Variants in NRG3 observed in about 807,000 individuals in gnomAD.
NRG3 encodes the protein pro-neuregulin-3, membrane-bound isoform.
A neutral mutation model predicts 66.9 loss-of-function variants in NRG3; 31 were observed. The ratio of observed to expected loss-of-function variants is 0.46; its 90% CI spans 0.35 to 0.63. The LOEUF (loss-of-function observed/expected upper bound fraction) is 0.63. Among genes scored for constraint, NRG3 ranks in the 20% least tolerant of loss-of-function variants. The pLI is 0.00. For synonymous variants in NRG3, 393 were observed against 359.4 expected (o/e 1.09, Z -1.06); for missense variants, 910 against 878.9 (o/e 1.04, Z -0.45).
At chr10:82,083,471 T>G (rs752112479) in intron 1 of NRG3, among the ~76,000 whole-genome samples, 20 of 152,166 alleles carry the variant, frequency 1.3e-4, no homozygotes, top group Non-Finnish European at 2.6e-4. Flanking sequence ...CCTTTCCTCC[T>G]GTGAACTGAA....
intron 2 of NRG3, among the ~76,000 whole-genome samples, chr10:82,647,288 G>A (rs898206764): frequency 6.6e-6 from 1 of 152,008 alleles, no homozygotes; most frequent in African/African-American, 2.4e-5. Flanking sequence ...GTTTACTGAG[G>A]ATGATGATTT....
intron 1 of NRG3, among the ~76,000 whole-genome samples, chr10:82,260,799 A>G (rs1389999337): frequency 6.6e-6 from 1 of 152,218 alleles, no homozygotes; most frequent in Non-Finnish European, 1.5e-5. Flanking sequence ...ATAAAACAGT[A>G]TACATTTAGG....
intron 2 of NRG3, among the ~76,000 whole-genome samples, chr10:82,675,895 G>T (rs1263795403): frequency 1.3e-5 from 2 of 152,082 alleles, no homozygotes; most frequent in Non-Finnish European, 2.9e-5. Context: ...ATCATATTTT[G>T]TATCTACATA....
At chr10:81,925,904 A>G (rs1846733288) in intron 1 of NRG3, among the ~76,000 whole-genome samples, 1 of 152,048 alleles carries the variant, frequency 6.6e-6, no homozygotes, top group South Asian at 2.1e-4. Flanking sequence ...AGACATGATG[A>G]TTCTTTTGTA....
At chr10:82,239,755 A>G (rs553864343) in intron 1 of NRG3, among the ~76,000 whole-genome samples, 1 of 152,230 alleles carries the variant, frequency 6.6e-6, no homozygotes, top group South Asian at 2.1e-4. Flanking sequence ...CTATAGGTTT[A>G]CATCTTAAGA....
intron 1 of NRG3, among the ~76,000 whole-genome samples, chr10:82,338,046 C>T (rs866368578): frequency 6.6e-6 from 1 of 152,170 alleles, no homozygotes; most frequent in Non-Finnish European, 1.5e-5. Context: ...TGAAGATGTA[C>T]ATCTTACAGA....
intron 1 of NRG3, among the ~76,000 whole-genome samples, chr10:82,035,722 G>A (rs2062765379): frequency 6.6e-6 from 1 of 152,100 alleles, no homozygotes; most frequent in Non-Finnish European, 1.5e-5. Context: ...GATTGTTTTT[G>A]TGGGAAAGTG....
intron 1 of NRG3, among the ~76,000 whole-genome samples, chr10:82,065,034 CAAATT>C (rs1450926041): frequency 6.6e-6 from 1 of 152,140 alleles, no homozygotes; most frequent in African/African-American, 2.4e-5. Context: ...GTATCAGAGA[CAAATT>C]AAATTTTCAT....
rs116116123 is a variant in NRG3, at chr10:81,964,852, G to A, written c.823+88689G>A. The stretch of plus-strand genomic sequence containing the variant: ...TTAATTAGGTGTCCCATATTTTTCC[G>A]TGCTTATTGAGCATTTGTATTTCAT... On this transcript the variant is annotated intron_variant, in intron 1 of 8. Transcript: ENST00000372141. Among the ~76,000 whole-genome samples, 1,237 of 151,910 alleles carry A rather than the reference G, an allele frequency of 8.1e-3. 6 individuals carry two copies. Among genetic ancestry groups the A allele is most frequent in the Middle Eastern group, 0.02 (6 of 294 alleles).
intron 4 of NRG3, among the ~76,000 whole-genome samples, chr10:82,873,130 A>T (rs1238521483): frequency 6.6e-6 from 1 of 152,172 alleles, no homozygotes; most frequent in African/African-American, 2.4e-5. Flanking sequence ...TTTCTTAATG[A>T]TGCTCCTGGG....
At position 82,973,874 on chromosome 10, in the gene NRG3, C is replaced by T. The variant is rs1301493011; in HGVS notation, c.1371C>T (p.Val457=). The T allele has an allele frequency of 1.7e-5, 28 of 1,613,948 alleles. No homozygotes were observed. The highest frequency in any genetic ancestry group is 2.2e-5 in the Non-Finnish European group (26 of 1,179,978). ...SFVGPQSFPE[V]PSPDRGSQSV... ...TCGGCCCCCAGTCATTCCCTGAGGT[C>T]CCTTCTCCTGACAGAGGAAGCCAGT... The change falls in exon 7 of 9, where the codon GTC becomes GTT. Residue 457 remains valine (V), a synonymous_variant. Coordinates refer to ENST00000372141, the MANE Select transcript of NRG3 (RefSeq NM_001010848.4).
intron 1 of NRG3, among the ~76,000 whole-genome samples, chr10:82,235,631 C>T (rs2076717137): frequency 6.6e-6 from 1 of 152,120 alleles, no homozygotes. Context: ...TCTATCTCAC[C>T]TGGTGCTTTA....
rs543780317 is a variant in NRG3 at position 82,036,785 on chromosome 10, A to T, written c.823+160622A>T. Among the ~76,000 whole-genome samples, 4 of 152,172 alleles carry T rather than the reference A, an allele frequency of 2.6e-5. No homozygotes were observed. The East Asian group carries it at 7.8e-4, about 30-fold the overall frequency. On this transcript the variant is annotated intron_variant, in intron 1 of 8. Coordinates refer to ENST00000372141, the MANE Select transcript of NRG3 (RefSeq NM_001010848.4). Reference sequence around the variant, plus strand: ...TCTTTACATCTATAACTAAATTCTGATCACCCATTCCTGTCCCGGCACTGC... The same window carrying T: ...TCTTTACATCTATAACTAAATTCTGTTCACCCATTCCTGTCCCGGCACTGC...
At chr10:82,782,118 G>T (rs1480677456) in intron 3 of NRG3, among the ~76,000 whole-genome samples, 1 of 152,116 alleles carries the variant, frequency 6.6e-6, no homozygotes, top group Non-Finnish European at 1.5e-5. Context: ...CAGTACTATG[G>T]TTTGAATTTA....
chr10:81,878,184 C>T (rs1024500175), intron 1 of NRG3: 50 of 1,167,968 alleles, frequency 4.3e-5, no homozygotes, highest in Admixed American at 1.2e-4. Flanking sequence ...ATTGACAGGG[C>T]CCTCAGCCCC....
chr10:82,863,220 A>G (rs1002762093), intron 3 of NRG3, among the ~76,000 whole-genome samples: 3 of 152,150 alleles, frequency 2.0e-5, no homozygotes, highest in Admixed American at 6.5e-5. Context: ...ATAGTATTCT[A>G]TGGTGTATAT....
chr10:82,929,462 G>A (rs527944625), intron 4 of NRG3, among the ~76,000 whole-genome samples: 2 of 152,192 alleles, frequency 1.3e-5, no homozygotes, highest in Non-Finnish European at 2.9e-5. Flanking sequence ...AGTGCCTGCG[G>A]ACGTGTTTAC....
intron 1 of NRG3, among the ~76,000 whole-genome samples, chr10:82,162,773 G>A (rs12249088): frequency 0.084 from 12,764 of 152,152 alleles, 838 homozygotes; most frequent in African/African-American, 0.17. Context: ...TTTCTAGCAC[G>A]TGGAATCAAT....
intron 2 of NRG3, among the ~76,000 whole-genome samples, chr10:82,549,845 A>G (rs1231994103): frequency 8.3e-6 from 1 of 120,134 alleles, no homozygotes; most frequent in African/African-American, 4.1e-5. Context: ...ACATTTTCCA[A>G]TTAGATGAAT....
Sources: allele counts gnomAD v4.1 joint callset (sites outside exome capture counted in the v4.1 genomes callset), GRCh38; gene constraint gnomAD v4.1.1; transcripts MANE v1.5; gene names NCBI Gene and HGNC (gene_info 2026-07-23, HGNC 2026-07-21).